Variants in LRRC4C observed in about 807,000 individuals in gnomAD.
The protein encoded by LRRC4C is leucine-rich repeat-containing protein 4C.
A neutral mutation model predicts 33.6 loss-of-function variants in LRRC4C; 5 were observed. The ratio of observed to expected loss-of-function variants is 0.15; its 90% CI spans 0.08 to 0.31. The LOEUF (loss-of-function observed/expected upper bound fraction) is 0.31, where lower values mean the gene tolerates loss of function less well. LRRC4C is among the 10% of genes least tolerant of loss of function. The pLI is 1.00. For synonymous variants in LRRC4C, 329 were observed against 302.0 expected, an observed-to-expected ratio of 1.09 and a Z score of -0.93; for missense variants, 560 against 796.7, an observed-to-expected ratio of 0.70 and a Z score of 3.58.
At chr11:41,084,834 G>C (rs1193017227) in intron 1 of LRRC4C, among the ~76,000 whole-genome samples, 3 of 152,158 alleles carry the variant, frequency 2.0e-5, no homozygotes, top group Non-Finnish European at 4.4e-5. Context: ...GGGTGAAAGA[G>C]TGAGACTCTG....
chr11:41,344,244 T>TC (rs1951731334), intron 1 of LRRC4C, among the ~76,000 whole-genome samples: 3 of 150,260 alleles, frequency 2.0e-5, no homozygotes, highest in South Asian at 2.1e-4. Context: ...TTTTTTTTTT[T>TC]GCGATGGAGT....
rs1491105578 is a variant in LRRC4C at position 40,578,140 on chromosome 11, G to GTTTT, written c.-270+70001_-270+70002insAAAA. 5.8e-3 allele frequency among the ~76,000 whole-genome samples: 234 copies of GTTTT among 40,570 alleles called. 106 individuals carry two copies. The highest frequency in any genetic ancestry group is 0.032 in the Middle Eastern group (2 of 62). The allele number at this position is 40,570 out of a possible 152,430, so 26.6% of individuals were successfully genotyped here. A position where few individuals can be genotyped will look rare whatever the true frequency, so the allele number is the denominator to read the frequency against. On this transcript the variant is annotated intron_variant, in intron 3 of 6. Transcript: ENST00000528697. ...TGATATTATTGGACTTTTTTTTTTC[G>GTTTT]GTTTTTTTTTTTTTTTTTTTTTTTT... is the stretch of plus-strand genomic sequence containing the variant.
At chr11:40,124,320 A>G (rs748602748) in intron 6 of LRRC4C, among the ~76,000 whole-genome samples, 1 of 152,202 alleles carries the variant, frequency 6.6e-6, no homozygotes, top group African/African-American at 2.4e-5. Flanking sequence ...TTCCCTAAAA[A>G]AGGAAATCAA....
chr11:40,824,023 A>T (rs750199385), intron 2 of LRRC4C, among the ~76,000 whole-genome samples: 2 of 151,950 alleles, frequency 1.3e-5, no homozygotes, highest in Non-Finnish European at 2.9e-5. Flanking sequence ...TATTATATTA[A>T]GTGAAAGAAA....
intron 1 of LRRC4C, among the ~76,000 whole-genome samples, chr11:41,099,173 T>C (rs1391481284): frequency 6.6e-6 from 1 of 151,904 alleles, no homozygotes; most frequent in African/African-American, 2.4e-5. Flanking sequence ...TAATGAGCTC[T>C]GAAATTAAAT....
intron 1 of LRRC4C, among the ~76,000 whole-genome samples, chr11:41,010,147 A>T (rs763116530): frequency 6.6e-6 from 1 of 152,146 alleles, no homozygotes; most frequent in Non-Finnish European, 1.5e-5. Flanking sequence ...ACACGTGATT[A>T]CAGACTTCTA....
intron 3 of LRRC4C, among the ~76,000 whole-genome samples, chr11:40,604,908 A>G (rs1414402902): frequency 6.6e-6 from 1 of 152,184 alleles, no homozygotes; most frequent in Non-Finnish European, 1.5e-5. Context: ...GAAGGCACAA[A>G]GTCCCTTTTC....
At chr11:40,451,053 A>G (rs529017593) in intron 3 of LRRC4C, among the ~76,000 whole-genome samples, 2 of 151,926 alleles carry the variant, frequency 1.3e-5, no homozygotes, top group East Asian at 1.9e-4. Flanking sequence ...CTCTATATAT[A>G]TGCATAATAT....
intron 1 of LRRC4C, among the ~76,000 whole-genome samples, chr11:41,384,770 T>A (rs910210230): frequency 6.6e-6 from 1 of 150,422 alleles, no homozygotes; most frequent in Non-Finnish European, 1.5e-5. Flanking sequence ...GGCATTGTTA[T>A]TAAACTGTTG....
At chr11:40,898,125 C>T (rs191452568) in intron 2 of LRRC4C, among the ~76,000 whole-genome samples, 3 of 151,892 alleles carry the variant, frequency 2.0e-5, no homozygotes, top group Non-Finnish European at 4.4e-5. Context: ...GAGGCCGAGG[C>T]GGGCAGATCA....
chr11:40,299,791 T>A (rs931183135), intron 4 of LRRC4C, among the ~76,000 whole-genome samples: 2 of 152,188 alleles, frequency 1.3e-5, no homozygotes, highest in East Asian at 1.9e-4. Context: ...GCTATGCTAA[T>A]TACAATCAAT....
chr11:40,811,555 T>A (rs1951490610), intron 2 of LRRC4C, among the ~76,000 whole-genome samples: 1 of 152,170 alleles, frequency 6.6e-6, no homozygotes. Flanking sequence ...TAGAGTGCAG[T>A]GGTGTTACCT....
chr11:41,042,952 G>T (rs1857527378), intron 1 of LRRC4C, among the ~76,000 whole-genome samples: 2 of 149,672 alleles, frequency 1.3e-5, no homozygotes, highest in South Asian at 4.2e-4. Context: ...ATGAAAGGAG[G>T]CCCTGGTTAG....
At chr11:40,789,726 C>T (rs943559020) in intron 2 of LRRC4C, among the ~76,000 whole-genome samples, 1 of 152,136 alleles carries the variant, frequency 6.6e-6, no homozygotes, top group Non-Finnish European at 1.5e-5. Context: ...AGTTTGCTTA[C>T]AAGTCTTTTC....
At chr11:40,828,029 G>A (rs1161221222) in intron 2 of LRRC4C, among the ~76,000 whole-genome samples, 1 of 151,512 alleles carries the variant, frequency 6.6e-6, no homozygotes, top group Non-Finnish European at 1.5e-5. Context: ...AATATAGCAG[G>A]TTTATATAAT....
chr11:40,119,831 T>G (rs1278571558), intron 6 of LRRC4C, among the ~76,000 whole-genome samples: 1 of 152,112 alleles, frequency 6.6e-6, no homozygotes, highest in African/African-American at 2.4e-5. Context: ...CAAACCCCAG[T>G]CACCTTCTTT....
intron 3 of LRRC4C, among the ~76,000 whole-genome samples, chr11:40,458,627 A>G (rs2138160263): frequency 6.6e-6 from 1 of 152,196 alleles, no homozygotes; most frequent in African/African-American, 2.4e-5. Flanking sequence ...TTAGTATTTG[A>G]TGGGGAACTT....
At chr11:41,231,205 G>A (rs920418233) in intron 1 of LRRC4C, among the ~76,000 whole-genome samples, 1 of 152,118 alleles carries the variant, frequency 6.6e-6, no homozygotes, top group African/African-American at 2.4e-5. Context: ...AGTCAGTGTG[G>A]TGATTCCTCA....
chr11:40,587,075 A>G (rs997737518), intron 3 of LRRC4C, among the ~76,000 whole-genome samples: 3 of 151,852 alleles, frequency 2.0e-5, no homozygotes, highest in Admixed American at 6.6e-5. Context: ...CAGTATGGCC[A>G]TTTTCATGAT....
Sources: gnomAD v4.1 joint callset for allele counts (sites outside exome capture counted in the v4.1 genomes callset) on GRCh38, gnomAD v4.1.1 for gene constraint, MANE v1.5 for transcripts, NCBI Gene and HGNC (gene_info 2026-07-23, HGNC 2026-07-21) for gene names.